Variants in CAMTA1 observed in about 807,000 individuals in gnomAD.
CAMTA1 encodes the protein calmodulin-binding transcription activator 1.
Under a neutral mutation model 170.9 loss-of-function variants are expected in CAMTA1, and 27 were observed. The observed-to-expected ratio is 0.16, with a 90% CI of 0.12 to 0.22. The LOEUF is 0.22. Among genes scored for constraint, CAMTA1 ranks in the 10% least tolerant of loss-of-function variants. The probability of loss-of-function intolerance (pLI) is 1.00; values close to 1 mark genes in which losing one functional copy is unlikely to be tolerated. For synonymous variants in CAMTA1, 833 were observed against 891.5 expected (o/e 0.93, Z 1.17); for missense variants, 1,619 against 2,217.2 (o/e 0.73, Z 5.42).
chr1:6,950,978 G>A (rs1319014784), intron 3 of CAMTA1, among the ~76,000 whole-genome samples: 2 of 152,216 alleles, frequency 1.3e-5, no homozygotes, highest in Non-Finnish European at 2.9e-5. Context: ...GAGACCTGAG[G>A]CAGTGGCCTG....
rs1664298915 is a variant in CAMTA1, at chr1:6,860,618, G to A, written c.234+35408G>A. 2.0e-5 allele frequency among the ~76,000 whole-genome samples: 3 copies of A among 152,072 alleles called. No homozygotes were observed. The East Asian group carries it at 5.8e-4, about 29-fold the overall frequency. On this transcript the variant is annotated intron_variant, in intron 3 of 22. Transcript: ENST00000303635. ...GTATTGCTCCTATTCTGTTCTTAAA[G>A]GTCTATCAGGGCCGGGCGCAATGAC...
At chr1:7,056,931 T>A (rs1471141594) in intron 3 of CAMTA1, among the ~76,000 whole-genome samples, 1 of 152,194 alleles carries the variant, frequency 6.6e-6, no homozygotes, top group Admixed American at 6.5e-5. Flanking sequence ...AGACTCTTGG[T>A]TATGAACCCC....
chr1:7,564,638 G>A (rs1009476494), intron 6 of CAMTA1, among the ~76,000 whole-genome samples: 23 of 149,292 alleles, frequency 1.5e-4, no homozygotes, highest in Admixed American at 1.1e-3. Context: ...GTTTGCAGGC[G>A]TGTGTGTGTG....
chr1:7,738,020 T>C lies in CAMTA1; in HGVS notation c.3720T>C (p.Tyr1240=). 2 of 1,614,168 alleles carry C rather than the reference T, an allele frequency of 1.2e-6. No individual in the cohort carries two copies. Among genetic ancestry groups the C allele is most frequent in the Non-Finnish European group, 1.7e-6 (2 of 1,180,018 alleles). ...ACAGCAGTGAGAGCCACAAAGATTA[T>C]CCGGCTCCCAAAAAGCATAAATTGA... is the stretch of plus-strand genomic sequence containing the variant. The part of the protein sequence containing the change: ...NYYSSESHKD[Y]PAPKKHKLNP... Residue 1240 remains tyrosine, a synonymous_variant, in exon 16 of 23, where the codon TAT becomes TAC. Transcript: ENST00000303635. The surrounding 1 kb of genome is among the most constrained non-coding windows in gnomAD (Gnocchi z 4.9).
Position 7,224,093 on chromosome 1 carries a change from A to G in CAMTA1, c.303-25398A>G, listed in dbSNP as rs1387465033. 2.0e-5 allele frequency among the ~76,000 whole-genome samples: 3 copies of G among 152,156 alleles called. No homozygotes were observed. The highest frequency in any genetic ancestry group is 4.4e-5 in the Non-Finnish European group (3 of 68,026). ...AACCCACATGACATGCAGTTGTATA[A>G]AGGATGGGGCACCTTAACGTTTGTA... On this transcript the variant is annotated intron_variant, in intron 4 of 22. Coordinates refer to ENST00000303635, the MANE Select transcript of CAMTA1 (RefSeq NM_015215.4). This position sits in a 1 kb window ranked among gnomAD's most constrained non-coding sequence, Gnocchi z 5.2.
intron 1 of CAMTA1, among the ~76,000 whole-genome samples, chr1:6,787,164 T>G (rs1170485620): frequency 6.6e-6 from 1 of 152,274 alleles, no homozygotes; most frequent in Non-Finnish European, 1.5e-5. Context: ...AGCCTGTTAC[T>G]TTGACTTTTT....
At chr1:7,013,209 CTTTTT>C (rs969077771) in intron 3 of CAMTA1, among the ~76,000 whole-genome samples, 13 of 84,206 alleles carry the variant, frequency 1.5e-4, no homozygotes, top group African/African-American at 3.7e-4. Context: ...TGCCCTTCTT[CTTTTT>C]TTTTTTTTTT....
In CAMTA1 at chr1:7,499,155, A is replaced by T. The variant is rs1447645355; in HGVS notation, c.510+31254A>T. Among the ~76,000 whole-genome samples the T allele has an allele frequency of 7.3e-5, 6 of 82,370 alleles. 1 individual carries two copies. Among genetic ancestry groups the T allele is most frequent in the South Asian group, 5.5e-4 (1 of 1,808 alleles). 54.0% of individuals were successfully genotyped at this position (82,370 alleles called of 152,430 possible). ...CCTGGTGTGCGTGTGTACGTATATG[A>T]GTGTGTGTGTGCATGTGTGTCCATG... On this transcript the variant is annotated intron_variant, in intron 6 of 22. Coordinates refer to ENST00000303635, the MANE Select transcript of CAMTA1 (RefSeq NM_015215.4).
chr1:7,506,136 A>G (rs978105095), intron 6 of CAMTA1, among the ~76,000 whole-genome samples: 4 of 152,194 alleles, frequency 2.6e-5, no homozygotes, highest in African/African-American at 9.6e-5. Context: ...CCCACCCTCT[A>G]TAACCTCGCT....
At chr1:6,843,772 GC>G (rs1360556569) in intron 3 of CAMTA1, among the ~76,000 whole-genome samples, 3 of 152,142 alleles carry the variant, frequency 2.0e-5, no homozygotes, top group Non-Finnish European at 2.9e-5. Context: ...GAGCCACTGC[GC>G]CCGGCCCCAA....
chr1:7,691,979 A>AGGAGGGAG (rs60935131), intron 11 of CAMTA1, among the ~76,000 whole-genome samples: 1 of 140,876 alleles, frequency 7.1e-6, no homozygotes, highest in African/African-American at 2.7e-5. Flanking sequence ...AAGGGAAGGA[A>AGGAGGGAG]GGAGGGAGGG....
At chr1:7,138,859 G>T (rs1163815535) in intron 4 of CAMTA1, among the ~76,000 whole-genome samples, 1 of 151,870 alleles carries the variant, frequency 6.6e-6, no homozygotes, top group African/African-American at 2.4e-5. Context: ...GCTGGGTTTT[G>T]TGGTGTGTGC....
intron 7 of CAMTA1, among the ~76,000 whole-genome samples, chr1:7,647,982 G>C (rs2095821203): frequency 6.6e-6 from 1 of 152,206 alleles, no homozygotes; most frequent in African/African-American, 2.4e-5. Flanking sequence ...TACTTGGGAG[G>C]CTGAGGTGGA....
intron 5 of CAMTA1, among the ~76,000 whole-genome samples, chr1:7,322,269 TCC>T (rs1264026166): frequency 6.6e-6 from 1 of 152,234 alleles, no homozygotes; most frequent in Non-Finnish European, 1.5e-5. Context: ...AATCGAAGGC[TCC>T]CTGGCTTTCT....
intron 4 of CAMTA1, among the ~76,000 whole-genome samples, chr1:7,166,293 C>T (rs1417580904): frequency 1.1e-4 from 16 of 152,046 alleles, no homozygotes; most frequent in Admixed American, 7.2e-4. Flanking sequence ...GTCTCAATCT[C>T]CTGACTGCGT....
At position 7,496,690 on chromosome 1, in the gene CAMTA1, C is replaced by T. The variant is rs2093832706; in HGVS notation, c.510+28789C>T. Among the ~76,000 whole-genome samples the T allele has an allele frequency of 3.3e-5, 5 of 152,242 alleles. No individual in the cohort carries two copies. In the South Asian group the frequency reaches 1.0e-3, roughly 32 times the overall value. ...AAGGCAGGGAGAGAGGACAGCATCC[C>T]CTACCCCTGTCCTGTGGTCCTTGGA... On this transcript the variant is annotated intron_variant, in intron 6 of 22. Transcript: ENST00000303635.
At chr1:7,215,140 A>G (rs1290412167) in intron 4 of CAMTA1, among the ~76,000 whole-genome samples, 1 of 149,230 alleles carries the variant, frequency 6.7e-6, no homozygotes, top group African/African-American at 2.5e-5. Context: ...TCTTTGATGA[A>G]GTTTAGCTTG....
chr1:7,051,000 G>A lies in CAMTA1; in HGVS notation c.235-40304G>A, dbSNP rs558223540. Among the ~76,000 whole-genome samples the A allele has an allele frequency of 6.6e-6, 1 of 152,304 alleles. No homozygotes were observed. The highest frequency in any genetic ancestry group is 2.4e-5 in the African/African-American group (1 of 41,544). ...TGCCTCTTTCCGGGGTGTAATTTGA[G>A]TTTGCATGTGGAACGAGGCCCTGGC... On this transcript the variant is annotated intron_variant, in intron 3 of 22. Transcript: ENST00000303635. This position sits in a 1 kb window ranked among gnomAD's most constrained non-coding sequence, Gnocchi z 4.8.
At chr1:7,232,151 A>C (rs1315036249) in intron 4 of CAMTA1, among the ~76,000 whole-genome samples, 2 of 152,218 alleles carry the variant, frequency 1.3e-5, no homozygotes, top group Non-Finnish European at 2.9e-5. Context: ...AGGACCCTCC[A>C]GCCCTTTGTC....
Sources: gnomAD v4.1 joint callset for allele counts (sites outside exome capture counted in the v4.1 genomes callset) on GRCh38, gnomAD v4.1.1 for gene constraint, Gnocchi (gnomAD v3.1) non-coding constraint, MANE v1.5 for transcripts, NCBI Gene and HGNC (gene_info 2026-07-23, HGNC 2026-07-21) for gene names.